The following SIMC1 variants were observed in gnomAD, a reference collection of about 807,000 sequenced individuals.
SIMC1 encodes SUMO interacting motifs containing 1.
In SIMC1, 55 loss-of-function variants were observed where a neutral mutation model predicts 82.3. That is an observed-to-expected ratio of 0.67 (90% CI 0.54 to 0.84). SIMC1 has a LOEUF of 0.84. Among genes scored for constraint, SIMC1 ranks in the 40% least tolerant of loss-of-function variants. The pLI is 0.00. For missense variants in SIMC1, 915 were observed against 1,107.2 expected (o/e 0.83, Z 2.46); for synonymous variants, 353 against 426.3 (o/e 0.83, Z 2.12).
intron 1 of SIMC1, among the ~76,000 whole-genome samples, chr5:176,271,475 G>C (rs1374595430): frequency 6.6e-6 from 1 of 152,126 alleles, no homozygotes; most frequent in Non-Finnish European, 1.5e-5. Context: ...AGTGAAATAA[G>C]TTAGGCACAC....
At chr5:176,289,212 T>C (rs1763435530) in intron 1 of SIMC1, among the ~76,000 whole-genome samples, 1 of 152,210 alleles carries the variant, frequency 6.6e-6, no homozygotes, top group African/African-American at 2.4e-5. Context: ...ATGCCTACCT[T>C]ATCAGGTCAT....
chr5:176,264,842 T>G (rs576790800), intron 1 of SIMC1, among the ~76,000 whole-genome samples: 13 of 152,272 alleles, frequency 8.5e-5, no homozygotes, highest in East Asian at 1.9e-4. Context: ...TATTCAGATG[T>G]TGCTGGAAGC....
rs200189307 is a variant in SIMC1, at chr5:176,303,268, TAAA to T, written c.1734+6965_1734+6967del. Among the ~76,000 whole-genome samples, 267 of 126,640 alleles carry T rather than the reference TAAA, an allele frequency of 2.1e-3. 1 individual carries two copies. The highest frequency in any genetic ancestry group is 0.013 in the Middle Eastern group (3 of 232). 83.1% of individuals were successfully genotyped at this position (126,640 alleles called of 152,430 possible). A position where few individuals can be genotyped will look rare whatever the true frequency, so the allele number is the denominator to read the frequency against. ...GGGTGACAGAGTGAGACTCTGTCTT[TAAA>T]AAAAAAAAAAAAAAAAGTTGGTATC... On this transcript the variant is annotated intron_variant, in intron 4 of 9. Transcript: ENST00000429602.
At chr5:176,286,476 A>T (rs1323182554) in intron 1 of SIMC1, among the ~76,000 whole-genome samples, 7 of 152,374 alleles carry the variant, frequency 4.6e-5, no homozygotes, top group South Asian at 4.1e-4. Context: ...TACCTTATAC[A>T]AAAATTAATT....
At chr5:176,286,959 C>T (rs1406626982) in intron 1 of SIMC1, among the ~76,000 whole-genome samples, 1 of 151,984 alleles carries the variant, frequency 6.6e-6, no homozygotes, top group South Asian at 2.1e-4. Context: ...GAATGGCAAT[C>T]ATTAAAAAGT....
intron 7 of SIMC1, among the ~76,000 whole-genome samples, chr5:176,335,437 T>C (rs1211032952): frequency 6.6e-6 from 1 of 151,464 alleles, no homozygotes; most frequent in East Asian, 2.0e-4. Context: ...CCACCACGCC[T>C]GGCTAATTTT....
At chr5:176,324,895 C>T (rs1765311672) in intron 7 of SIMC1, 138 bp downstream of exon 7, 11 of 1,030,148 alleles carry the variant, frequency 1.1e-5, no homozygotes, top group Admixed American at 8.9e-5. Context: ...AAATTCCAAA[C>T]TAATTAAGAT....
intron 4 of SIMC1, among the ~76,000 whole-genome samples, chr5:176,312,744 A>G (rs1764720067): frequency 6.6e-6 from 1 of 152,124 alleles, no homozygotes; most frequent in Admixed American, 6.5e-5. Context: ...CCATTAGTTT[A>G]TGTTCTGAGA....
intron 1 of SIMC1, among the ~76,000 whole-genome samples, chr5:176,287,954 C>T (rs1414183973): frequency 6.6e-6 from 1 of 151,998 alleles, no homozygotes; most frequent in Non-Finnish European, 1.5e-5. Context: ...GTTTAACCAG[C>T]GGGGAGAAGT....
At chr5:176,344,434 G>A (rs2059713560) in intron 9 of SIMC1, among the ~76,000 whole-genome samples, 1 of 150,002 alleles carries the variant, frequency 6.7e-6, no homozygotes, top group Non-Finnish European at 1.5e-5. Context: ...ACTTTGGGAG[G>A]CCGAGGCTTG....
chr5:176,341,772 T>C (rs762157895), intron 9 of SIMC1, among the ~76,000 whole-genome samples: 4 of 152,134 alleles, frequency 2.6e-5, no homozygotes, highest in Non-Finnish European at 5.9e-5. Flanking sequence ...ATGATGATGA[T>C]GATGATGAAA....
intron 1 of SIMC1, among the ~76,000 whole-genome samples, chr5:176,273,946 A>T (rs574967999): frequency 6.6e-6 from 1 of 151,842 alleles, no homozygotes; most frequent in Admixed American, 6.6e-5. Flanking sequence ...GCTATTGTGA[A>T]TAGTGCCACA....
intron 1 of SIMC1, among the ~76,000 whole-genome samples, chr5:176,253,744 G>C (rs992951789): frequency 3.3e-5 from 5 of 152,102 alleles, no homozygotes; most frequent in Non-Finnish European, 7.4e-5. Flanking sequence ...TCACCTCAAA[G>C]TGCTGGGCCA....
intron 1 of SIMC1, among the ~76,000 whole-genome samples, chr5:176,260,235 G>A (rs1182401327): frequency 3.3e-5 from 5 of 151,970 alleles, no homozygotes; most frequent in South Asian, 2.1e-4. Context: ...ACCAAACATC[G>A]TATGTTCTCC....
chr5:176,259,809 A>G (rs1002973460), intron 1 of SIMC1, among the ~76,000 whole-genome samples: 2 of 151,828 alleles, frequency 1.3e-5, no homozygotes, highest in African/African-American at 2.4e-5. Context: ...AATACAGGTA[A>G]GAAATTCTTA....
intron 1 of SIMC1, among the ~76,000 whole-genome samples, chr5:176,257,749 C>A (rs1291274144): frequency 6.6e-6 from 1 of 152,156 alleles, no homozygotes; most frequent in Non-Finnish European, 1.5e-5. Context: ...CCCATTTGTT[C>A]CCCCAAATGA....
chr5:176,266,418 G>A (rs1762213931), intron 1 of SIMC1, among the ~76,000 whole-genome samples: 1 of 152,108 alleles, frequency 6.6e-6, no homozygotes, highest in African/African-American at 2.4e-5. Flanking sequence ...GCACAACAGA[G>A]GACCCCCGCC....
intron 5 of SIMC1, among the ~76,000 whole-genome samples, chr5:176,315,631 C>T (rs770001948): frequency 1.3e-5 from 2 of 152,130 alleles, no homozygotes. Context: ...TATGTTCTGA[C>T]ATATTTGTTG....
At chr5:176,315,265 CAG>C (rs1342765115) in intron 5 of SIMC1, among the ~76,000 whole-genome samples, 3 of 152,124 alleles carry the variant, frequency 2.0e-5, no homozygotes, top group South Asian at 2.1e-4. Context: ...GGAAGGAAGA[CAG>C]GGGGCGGGGC....
Sources: allele counts gnomAD v4.1 joint callset (sites outside exome capture counted in the v4.1 genomes callset), GRCh38; gene constraint gnomAD v4.1.1; transcripts MANE v1.5; gene names NCBI Gene and HGNC (gene_info 2026-07-23, HGNC 2026-07-21).